Variants in PCDHGA9 observed in about 807,000 individuals in gnomAD.
PCDHGA9 encodes the protein protocadherin gamma-A9.
Under a neutral mutation model 62.5 loss-of-function variants are expected in PCDHGA9, and 37 were observed. The ratio of observed to expected loss-of-function variants is 0.59; its 90% CI spans 0.46 to 0.78. PCDHGA9 has a LOEUF of 0.78. Ranked by LOEUF, PCDHGA9 falls within the 30% of genes least tolerant of loss-of-function variation. The pLI is 0.00. For missense variants in PCDHGA9, 1,138 were observed against 1,166.2 expected (o/e 0.98, Z 0.35); for synonymous variants, 459 against 484.6 (o/e 0.95, Z 0.69).
chr5:141,409,486 C>T, intron 1 of PCDHGA9: 1 of 1,613,992 alleles, frequency 6.2e-7, no homozygotes, highest in Non-Finnish European at 8.5e-7. Context: ...CTGACAGGGG[C>T]AAGCCGCCTC....
chr5:141,500,460 C>T (rs1421637554), intron 2 of PCDHGA9, among the ~76,000 whole-genome samples: 2 of 152,234 alleles, frequency 1.3e-5, no homozygotes, highest in South Asian at 2.1e-4. Context: ...CCGCCCGCCT[C>T]GGCCTCCCAA....
At chr5:141,407,135 G>T (rs2094890312) in intron 1 of PCDHGA9, among the ~76,000 whole-genome samples, 1 of 151,812 alleles carries the variant, frequency 6.6e-6, no homozygotes, top group African/African-American at 2.4e-5. Context: ...TTATTTTTAA[G>T]AAAAAAAAGC....
chr5:141,425,834 C>A (rs925446924), intron 1 of PCDHGA9, among the ~76,000 whole-genome samples: 1 of 152,220 alleles, frequency 6.6e-6, no homozygotes, highest in Non-Finnish European at 1.5e-5. Context: ...CTTTTAAATT[C>A]TCTTTGCTGG....
chr5:141,462,623 T>C (rs992165332), intron 1 of PCDHGA9, among the ~76,000 whole-genome samples: 3 of 150,992 alleles, frequency 2.0e-5, no homozygotes, highest in Non-Finnish European at 4.4e-5. Context: ...CTTTTAGAAG[T>C]TCCATTTGAC....
At chr5:141,442,205 A>G (rs2098308049) in intron 1 of PCDHGA9, 1 of 153,214 alleles carries the variant, frequency 6.5e-6, no homozygotes, top group Admixed American at 6.5e-5. Context: ...ATATCTGGTG[A>G]TTGCCTTAGC....
chr5:141,437,331 A>T (rs2097876062), intron 1 of PCDHGA9, among the ~76,000 whole-genome samples: 1 of 152,244 alleles, frequency 6.6e-6, no homozygotes, highest in South Asian at 2.1e-4. Context: ...TAAAATTTGT[A>T]GCTTCACTGT....
intron 1 of PCDHGA9, among the ~76,000 whole-genome samples, chr5:141,475,620 G>A (rs2154572702): frequency 6.6e-6 from 1 of 152,238 alleles, no homozygotes; most frequent in Admixed American, 6.5e-5. Flanking sequence ...TTTTCGGTTT[G>A]GTTCGATCCC....
intron 3 of PCDHGA9, among the ~76,000 whole-genome samples, chr5:141,506,012 T>C (rs2099850012): frequency 6.6e-6 from 1 of 152,208 alleles, no homozygotes; most frequent in Non-Finnish European, 1.5e-5. Context: ...CCTCTTTTGC[T>C]GCCCCTAACT....
At chr5:141,499,707 T>G (rs1303008532) in intron 2 of PCDHGA9, among the ~76,000 whole-genome samples, 2 of 150,494 alleles carry the variant, frequency 1.3e-5, no homozygotes, top group African/African-American at 2.5e-5. Flanking sequence ...TTTTTTTTTT[T>G]TTTTGGAGAC....
intron 1 of PCDHGA9, among the ~76,000 whole-genome samples, chr5:141,460,117 T>G (rs1454761302): frequency 6.6e-6 from 1 of 151,982 alleles, no homozygotes; most frequent in Non-Finnish European, 1.5e-5. Context: ...ATGATTTTTA[T>G]ATATGTAATA....
At chr5:141,440,732 A>C (rs2154559008) in intron 1 of PCDHGA9, 1 of 152,346 alleles carries the variant, frequency 6.6e-6, no homozygotes, top group African/African-American at 2.4e-5. Context: ...GTGTTAGAGA[A>C]GCTGCTTGAC....
chr5:141,442,700 T>TC (rs1388243183), intron 1 of PCDHGA9, among the ~76,000 whole-genome samples: 5 of 152,198 alleles, frequency 3.3e-5, no homozygotes, highest in Non-Finnish European at 7.3e-5. Flanking sequence ...CAGACAAGAG[T>TC]ATCAGACATG....
At chr5:141,423,126 G>A (rs1397550571) in intron 1 of PCDHGA9, 1 of 1,613,622 alleles carries the variant, frequency 6.2e-7, no homozygotes, top group Non-Finnish European at 8.5e-7. Context: ...CGCGGGCACT[G>A]CTGGACAGAG....
At chr5:141,421,720 G>A (rs372813759) in intron 1 of PCDHGA9, 4 of 1,613,788 alleles carry the variant, frequency 2.5e-6, no homozygotes, top group Non-Finnish European at 3.4e-6. Context: ...AGATGTGGGC[G>A]TGAACTCCCT....
intron 1 of PCDHGA9, chr5:141,422,210 T>C: frequency 6.4e-7 from 1 of 1,562,390 alleles, no homozygotes; most frequent in South Asian, 1.2e-5. Flanking sequence ...GGTGGAGGTC[T>C]CTTTACCACC....
intron 1 of PCDHGA9, chr5:141,423,320 T>C: frequency 6.2e-7 from 1 of 1,614,148 alleles, no homozygotes; most frequent in Non-Finnish European, 8.5e-7. Flanking sequence ...GTGGTGGCGG[T>C]GGCCGCAGTC....
In PCDHGA9 at chr5:141,477,669, T is replaced by C; in HGVS notation, c.2425-17138T>C. Reference sequence around the variant, plus strand: ...TTCACAATAAATCGTGACAATGGCATAGTGTCATCCTTAGTGCCCCTAGAC... The same window carrying C: ...TTCACAATAAATCGTGACAATGGCACAGTGTCATCCTTAGTGCCCCTAGAC... On this transcript the variant is annotated intron_variant, in intron 1 of 3. Coordinates refer to ENST00000573521, the MANE Select transcript of PCDHGA9 (RefSeq NM_018921.3). This position sits in a 1 kb window ranked among gnomAD's most constrained non-coding sequence, Gnocchi z 4.9. 6.2e-7 allele frequency: 1 copy of C among 1,614,200 alleles called. No individual in the cohort carries two copies. Among genetic ancestry groups the C allele is most frequent in the Non-Finnish European group, 8.5e-7 (1 of 1,180,030 alleles).
intron 1 of PCDHGA9, chr5:141,478,270 C>G (rs1347709530): frequency 5.6e-6 from 9 of 1,614,078 alleles, no homozygotes; most frequent in Non-Finnish European, 6.8e-6. Context: ...TCAAAGTTTA[C>G]AAGTGGAAGC....
intron 1 of PCDHGA9, among the ~76,000 whole-genome samples, chr5:141,451,985 A>G (rs1460304088): frequency 6.6e-6 from 1 of 152,202 alleles, no homozygotes; most frequent in Non-Finnish European, 1.5e-5. Context: ...TAGTTTGTTC[A>G]TTAGAAGCAA....
Sources: allele counts gnomAD v4.1 joint callset (sites outside exome capture counted in the v4.1 genomes callset), GRCh38; gene constraint gnomAD v4.1.1; non-coding constraint Gnocchi (gnomAD v3.1); transcripts MANE v1.5; gene names NCBI Gene and HGNC (gene_info 2026-07-23, HGNC 2026-07-21).